Variants in CEP295 observed in about 807,000 individuals in gnomAD.
CEP295 encodes centrosomal protein of 295 kDa.
In CEP295, 190 loss-of-function variants were observed where a neutral mutation model predicts 291.6. The observed-to-expected ratio is 0.65, with a 90% CI of 0.58 to 0.73. CEP295 has a LOEUF of 0.73. Among genes scored for constraint, CEP295 ranks in the 30% least tolerant of loss-of-function variants. The pLI, the probability that CEP295 is intolerant of heterozygous loss-of-function variation, is 0.00. For missense variants in CEP295, 2,863 were observed against 2,949.4 expected, an observed-to-expected ratio of 0.97 and a Z score of 0.68; for synonymous variants, 993 against 1,038.8, an observed-to-expected ratio of 0.96 and a Z score of 0.85.
chr11:93,696,681 G>C lies in CEP295; in HGVS notation c.1770-1G>C. On this transcript the variant is annotated splice_acceptor_variant, in intron 14 of 29. Coordinates refer to ENST00000325212, the MANE Select transcript of CEP295 (RefSeq NM_033395.2). LOFTEE classifies it high-confidence loss of function. ...TAATTGTTTGCTTTTGTTTTTGGTA[G>C]GTTACACAGGCAGTCTGTTGAAACA... is the stretch of plus-strand genomic sequence containing the variant. 6.5e-7 allele frequency: 1 copy of C among 1,528,506 alleles called. No homozygotes were observed. The highest frequency in any genetic ancestry group is 1.2e-5 in the South Asian group (1 of 80,036). 94.7% of individuals were successfully genotyped at this position (1,528,506 alleles called of 1,614,324 possible). A position where few individuals can be genotyped will look rare whatever the true frequency, so the allele number is the denominator to read the frequency against.
chr11:93,699,011 C>G lies in CEP295; in HGVS notation c.4099C>G (p.Leu1367Val). The G allele has an allele frequency of 1.3e-6, 2 of 1,548,384 alleles. No individual in the cohort carries two copies. Among genetic ancestry groups the G allele is most frequent in the South Asian group, 2.4e-5 (2 of 84,054 alleles). The change falls in exon 15 of 30, where the codon CTA (leucine) becomes GTA (valine). Residue 1367 changes from leucine to valine, a missense_variant. Around this residue, in one of 3 missense-constraint regions of CEP295, gnomAD observed 2,295 missense variants for 2,335.7 expected, o/e 0.98. Transcript: ENST00000325212. ...QLATQREAII[L>V]ARQEAREELL... ...AGCTACACAGAGAGAAGCCATCATT[C>G]TAGCTAGACAAGAAGCTCGGGAAGA...
chr11:93,694,223 T>G (rs2135072520), intron 12 of CEP295, among the ~76,000 whole-genome samples: 1 of 152,346 alleles, frequency 6.6e-6, no homozygotes, highest in East Asian at 1.9e-4. Flanking sequence ...ATTCCTTTTT[T>G]TACTTATTCA....
intron 12 of CEP295, among the ~76,000 whole-genome samples, chr11:93,693,674 T>G (rs1469741113): frequency 6.6e-6 from 1 of 152,124 alleles, no homozygotes; most frequent in African/African-American, 2.4e-5. Flanking sequence ...GAGAATCGCT[T>G]GAACCCAAGA....
intron 19 of CEP295, chr11:93,721,661 G>C: frequency 1.5e-6 from 1 of 681,624 alleles, no homozygotes; most frequent in South Asian, 1.4e-5. Flanking sequence ...AAGGGCATAT[G>C]TCTGGTGTGT....
chr11:93,718,321 G>A (rs748780368), intron 18 of CEP295, among the ~76,000 whole-genome samples: 3 of 152,228 alleles, frequency 2.0e-5, no homozygotes, highest in African/African-American at 4.8e-5. Flanking sequence ...TGCAAACTTT[G>A]TACTGTCTGC....
At chr11:93,728,649 G>A (rs1398997527) in intron 24 of CEP295, 32 bp from the exon 25 acceptor site, 1 of 1,502,206 alleles carries the variant, frequency 6.7e-7, no homozygotes, top group South Asian at 1.3e-5. Context: ...AGGCTATTTT[G>A]ACATGGTTTT....
At chr11:93,686,032 C>T (rs2134988742) in intron 9 of CEP295, among the ~76,000 whole-genome samples, 1 of 150,620 alleles carries the variant, frequency 6.6e-6, no homozygotes, top group Non-Finnish European at 1.5e-5. Flanking sequence ...AAAAGATATT[C>T]TTACAGCCAG....
intron 21 of CEP295, chr11:93,723,829 T>C (rs1201888497): frequency 6.3e-6 from 1 of 158,730 alleles, no homozygotes; most frequent in East Asian, 1.9e-4. Context: ...GCTGTGGAAA[T>C]GGAAATTCGT....
intron 18 of CEP295, among the ~76,000 whole-genome samples, chr11:93,707,759 A>G (rs1452330568): frequency 1.3e-5 from 2 of 152,024 alleles, no homozygotes; most frequent in Non-Finnish European, 2.9e-5. Context: ...TCCATCTGAA[A>G]AAAAAAAAGA....
chr11:93,673,464 G>A (rs1950542834), intron 5 of CEP295, among the ~76,000 whole-genome samples: 1 of 151,850 alleles, frequency 6.6e-6, no homozygotes, highest in African/African-American at 2.4e-5. Context: ...CTCAACTTTG[G>A]CTGTACATTT....
intron 1 of CEP295, among the ~76,000 whole-genome samples, chr11:93,663,351 G>C (rs373108278): frequency 6.6e-6 from 1 of 152,100 alleles, no homozygotes; most frequent in Non-Finnish European, 1.5e-5. Context: ...ACTTTTATCA[G>C]CTCCCTCCCA....
chr11:93,675,064 G>A (rs1259420437), intron 5 of CEP295, among the ~76,000 whole-genome samples: 1 of 152,138 alleles, frequency 6.6e-6, no homozygotes, highest in Non-Finnish European at 1.5e-5. Context: ...GAGTTGTTTT[G>A]TTCTGGAGTA....
chr11:93,707,616 CG>C (rs1450691075), intron 18 of CEP295, among the ~76,000 whole-genome samples: 2 of 151,786 alleles, frequency 1.3e-5, no homozygotes, highest in Non-Finnish European at 2.9e-5. Flanking sequence ...AAAAATTGGC[CG>C]GGTGTAGTGG....
At position 93,698,358 on chromosome 11, in the gene CEP295, C is replaced by G. The variant is rs1278285059; in HGVS notation, c.3446C>G (p.Ser1149Cys). The change falls in exon 15 of 30, where the codon TCT becomes TGT. Residue 1149 changes from serine to cysteine, a missense_variant. Ser to Cys is a moderately radical substitution (Grantham distance 112, BLOSUM62 -1). This residue lies in a region of CEP295 where 2,295 missense variants were observed against 2,335.7 expected (regional missense o/e 0.98). Transcript: ENST00000325212. ...HLIIPTFQDK[S>C]LSFPQHSLAQ... The stretch of plus-strand genomic sequence containing the variant: ...ATAATCCCAACATTTCAGGATAAGT[C>G]TCTTAGTTTTCCACAGCATAGCCTG... 9 of 1,552,136 alleles carry G rather than the reference C, an allele frequency of 5.8e-6. No individual in the cohort carries two copies. The highest frequency in any genetic ancestry group is 7.8e-6 in the Non-Finnish European group (9 of 1,147,080).
intron 18 of CEP295, among the ~76,000 whole-genome samples, chr11:93,709,302 C>A (rs1026449459): frequency 3.3e-5 from 5 of 151,966 alleles, no homozygotes; most frequent in Admixed American, 2.6e-4. Flanking sequence ...ATCTTTAATC[C>A]ATTTTGGTTT....
intron 18 of CEP295, among the ~76,000 whole-genome samples, chr11:93,715,546 C>G (rs1359515339): frequency 6.6e-6 from 1 of 152,124 alleles, no homozygotes; most frequent in Admixed American, 6.6e-5. Context: ...CTGCTTTTCT[C>G]AAGCAGAAGG....
chr11:93,711,971 G>A (rs138486192), intron 18 of CEP295, among the ~76,000 whole-genome samples: 90 of 152,218 alleles, frequency 5.9e-4, no homozygotes, highest in African/African-American at 2.1e-3. Context: ...GGTTCATTTG[G>A]TCTATGGTGA....
intron 7 of CEP295, among the ~76,000 whole-genome samples, chr11:93,680,154 G>A (rs1950893682): frequency 6.6e-6 from 1 of 152,120 alleles, no homozygotes; most frequent in African/African-American, 2.4e-5. Context: ...GTGTGCGGCT[G>A]TAGTCCCAGC....
Position 93,697,684 on chromosome 11 carries a change from A to G in CEP295, c.2772A>G (p.Ser924=). The G allele has an allele frequency of 6.4e-7, 1 of 1,551,802 alleles. No individual in the cohort carries two copies. The highest frequency in any genetic ancestry group is 8.7e-7 in the Non-Finnish European group (1 of 1,147,026). The change falls in exon 15 of 30, where the codon TCA becomes TCG. Residue 924 remains serine, a synonymous_variant. Coordinates refer to ENST00000325212, the MANE Select transcript of CEP295 (RefSeq NM_033395.2). The part of the protein sequence containing the change: ...SPTKNNIAVS[S]DHHVISQLQD... ...CCAAGAATAATATTGCAGTTTCCTC[A>G]GACCATCATGTGATCTCACAACTTC...
Sources: allele counts gnomAD v4.1 joint callset (sites outside exome capture counted in the v4.1 genomes callset), GRCh38; gene constraint gnomAD v4.1.1; regional missense constraint gnomAD v4.1.1; transcripts MANE v1.5; gene names NCBI Gene and HGNC (gene_info 2026-07-23, HGNC 2026-07-21).